RCOR1: variants seen among roughly 807,000 people sequenced by gnomAD.
RCOR1 encodes the protein REST corepressor.
RCOR1 carries 12 observed loss-of-function variants against 64.0 expected under a neutral mutation model. The ratio of observed to expected loss-of-function variants is 0.19; its 90% confidence interval spans 0.12 to 0.30. RCOR1 has a LOEUF of 0.30. RCOR1 is among the 10% of genes least tolerant of loss of function. RCOR1 has a pLI of 1.00. For missense variants in RCOR1, 502 were observed against 621.2 expected, an observed-to-expected ratio of 0.81 and a Z score of 2.04; for synonymous variants, 279 against 227.2, an observed-to-expected ratio of 1.23 and a Z score of -2.05.
intron 2 of RCOR1, among the ~76,000 whole-genome samples, chr14:102,677,084 C>T (rs1895187630): frequency 1.5e-5 from 2 of 130,384 alleles, no homozygotes; most frequent in South Asian, 2.5e-4. Context: ...AGAGGGGCTC[C>T]TCACTTCCCA....
chr14:102,626,650 ATTT>A (rs1893987973), intron 2 of RCOR1, among the ~76,000 whole-genome samples: 1 of 152,126 alleles, frequency 6.6e-6, no homozygotes, highest in Non-Finnish European at 1.5e-5. Flanking sequence ...AAAGCAGCTG[ATTT>A]GGGGTAACAG....
chr14:102,630,190 C>A (rs979994162), intron 2 of RCOR1: 4 of 158,194 alleles, frequency 2.5e-5, no homozygotes, highest in Admixed American at 6.5e-5. Flanking sequence ...TGAGTGAGTT[C>A]TTACTCCTTT....
At position 102,633,168 on chromosome 14, in the gene RCOR1, C is replaced by T. The variant is rs924186353; in HGVS notation, c.361+39843C>T. Among the ~76,000 whole-genome samples, 10 of 152,030 alleles carry T rather than the reference C, an allele frequency of 6.6e-5. No homozygotes were observed. In the East Asian group the frequency reaches 1.7e-3, roughly 27 times the overall value. ...AATCCTCTCATAAGATAAAATTTCA[C>T]TCTGCTGATTAATCAGATCATTTTA... is the stretch of plus-strand genomic sequence containing the variant. On this transcript the variant is annotated intron_variant, in intron 2 of 11. Transcript: ENST00000262241.
At chr14:102,595,067 T>G (rs1203454740) in intron 2 of RCOR1, among the ~76,000 whole-genome samples, 1 of 152,256 alleles carries the variant, frequency 6.6e-6, no homozygotes, top group African/African-American at 2.4e-5. Context: ...TGACATCAGC[T>G]CTGCATTGTT....
At chr14:102,635,452 T>G (rs1894216203) in intron 2 of RCOR1, among the ~76,000 whole-genome samples, 2 of 152,086 alleles carry the variant, frequency 1.3e-5, no homozygotes, top group Non-Finnish European at 2.9e-5. Context: ...TGCAGTGAGC[T>G]GAGATCACTC....
intron 2 of RCOR1, among the ~76,000 whole-genome samples, chr14:102,613,718 C>T (rs1893687054): frequency 6.6e-6 from 1 of 150,680 alleles, no homozygotes; most frequent in African/African-American, 2.4e-5. Flanking sequence ...CCGCGCCCCG[C>T]CATCCTTTTT....
At chr14:102,599,474 A>C (rs1415989891) in intron 2 of RCOR1, among the ~76,000 whole-genome samples, 2 of 151,924 alleles carry the variant, frequency 1.3e-5, no homozygotes, top group Non-Finnish European at 2.9e-5. Context: ...CTCTTTATAC[A>C]CGTCCTTGGT....
chr14:102,627,681 A>G (rs1894009232), intron 2 of RCOR1, among the ~76,000 whole-genome samples: 2 of 151,334 alleles, frequency 1.3e-5, no homozygotes, highest in Non-Finnish European at 2.9e-5. Context: ...ACACACACAC[A>G]CACCAAAAAA....
chr14:102,679,726 C>T (rs1192706798), intron 2 of RCOR1, among the ~76,000 whole-genome samples: 1 of 152,188 alleles, frequency 6.6e-6, no homozygotes, highest in African/African-American at 2.4e-5. Flanking sequence ...GATCCTCCTG[C>T]CTCGGCCTCC....
Position 102,658,585 on chromosome 14 carries a change from C to T in RCOR1, c.362-23310C>T, listed in dbSNP as rs535402418. 5.8e-5 allele frequency: 57 copies of T among 985,316 alleles called. No homozygotes were observed. In the African/African-American group the frequency reaches 9.2e-4, roughly 16 times the overall value. 61.0% of individuals were successfully genotyped at this position (985,316 alleles called of 1,614,324 possible). On this transcript the variant is annotated intron_variant, in intron 2 of 11. Transcript: ENST00000262241. ...CAGGAACAGGATGGCTACCTACCTA[C>T]CCCCCATCCTTTTCCTGTATGCTAT...
chr14:102,632,419 G>GTGTTCTCGA (rs1894133301), intron 2 of RCOR1, among the ~76,000 whole-genome samples: 1 of 150,636 alleles, frequency 6.6e-6, no homozygotes, highest in South Asian at 2.1e-4. Flanking sequence ...GGGTTTCAAC[G>GTGTTCTCGA]TGTTCTCGAT....
chr14:102,653,453 G>A (rs113340755), intron 2 of RCOR1, among the ~76,000 whole-genome samples: 1 of 152,278 alleles, frequency 6.6e-6, no homozygotes, highest in African/African-American at 2.4e-5. Context: ...TTCCCAAAGC[G>A]TTGGGATTAC....
chr14:102,680,139 T>C (rs1012175622), intron 2 of RCOR1, among the ~76,000 whole-genome samples: 1 of 152,206 alleles, frequency 6.6e-6, no homozygotes, highest in African/African-American at 2.4e-5. Context: ...TTATTTCATA[T>C]TTGATGCTAA....
At chr14:102,667,482 C>T (rs2403073) in intron 2 of RCOR1, among the ~76,000 whole-genome samples, 1 of 151,908 alleles carries the variant, frequency 6.6e-6, no homozygotes, top group Admixed American at 6.6e-5. Context: ...GCCTTGGCAA[C>T]AGAGTGAGAC....
At position 102,592,907 on chromosome 14, in the gene RCOR1, G is replaced by C; in HGVS notation, c.21G>C (p.Lys7Asn). The change falls in exon 1 of 12, where the codon AAG becomes AAC. Residue 7 changes from lysine (K) to asparagine (N), a missense_variant. By Grantham distance (94) the Lys-to-Asn change is moderately conservative (BLOSUM62 0). This residue lies in a region of RCOR1 where 242 missense variants were observed against 204.9 expected (regional missense o/e 1.18). Transcript: ENST00000262241. MPAMVE[K>N]GPEVSGKRRG... is the part of the protein sequence containing the mutation. ...CGCCGATGCCGGCCATGGTGGAGAA[G>C]GGCCCCGAGGTCTCAGGGAAGCGGA... The C allele has an allele frequency of 8.1e-7, 1 of 1,236,784 alleles. No individual in the cohort carries two copies. The highest frequency in any genetic ancestry group is 1.0e-6 in the Non-Finnish European group (1 of 984,598). The allele number at this position is 1,236,784 out of a possible 1,614,324, so 76.6% of individuals were successfully genotyped here. A position where few individuals can be genotyped will look rare whatever the true frequency, so the allele number is the denominator to read the frequency against.
intron 2 of RCOR1, among the ~76,000 whole-genome samples, chr14:102,678,220 C>CGAGAGG (rs113468250): frequency 0.31 from 46,899 of 150,816 alleles, 7,382 homozygotes; most frequent in East Asian, 0.36. Flanking sequence ...GAGAGGGAGA[C>CGAGAGG]GAGAGGGAGA....
intron 8 of RCOR1, among the ~76,000 whole-genome samples, chr14:102,716,475 T>C (rs1458793282): frequency 6.6e-6 from 1 of 152,236 alleles, no homozygotes; most frequent in African/African-American, 2.4e-5. Context: ...ATGTTAGTCT[T>C]AGAAGTGTTG....
intron 2 of RCOR1, among the ~76,000 whole-genome samples, chr14:102,679,572 G>A (rs1239278112): frequency 6.6e-6 from 1 of 151,162 alleles, no homozygotes; most frequent in Non-Finnish European, 1.5e-5. Context: ...TCCGCCTCTC[G>A]CGTTCACGCC....
intron 11 of RCOR1, among the ~76,000 whole-genome samples, chr14:102,726,049 C>A (rs1203418265): frequency 6.6e-6 from 1 of 151,588 alleles, no homozygotes; most frequent in East Asian, 2.0e-4. Flanking sequence ...ACATGGTGGG[C>A]TGGGCGTGGG....
Sources: allele counts gnomAD v4.1 joint callset (sites outside exome capture counted in the v4.1 genomes callset), GRCh38; gene constraint gnomAD v4.1.1; regional missense constraint gnomAD v4.1.1; transcripts MANE v1.5; gene names NCBI Gene and HGNC (gene_info 2026-07-23, HGNC 2026-07-21).